The following RBFOX1 variants were observed in gnomAD, a reference collection of about 807,000 sequenced individuals.
RBFOX1 encodes the protein RNA binding protein fox-1 homolog 1.
In RBFOX1, 8 loss-of-function variants were observed where a neutral mutation model predicts 57.7. The ratio of observed to expected loss-of-function variants is 0.14; its 90% CI spans 0.08 to 0.25. RBFOX1 has a LOEUF of 0.25. Among genes scored for constraint, RBFOX1 ranks in the 10% least tolerant of loss-of-function variants. The probability of loss-of-function intolerance (pLI) is 1.00; values close to 1 mark genes in which losing one functional copy is unlikely to be tolerated. For missense variants in RBFOX1, 611 were observed against 548.5 expected (o/e 1.11, Z -1.14); for synonymous variants, 326 against 222.4 (o/e 1.47, Z -4.15).
rs202110792 is a variant in RBFOX1, at chr16:7,332,978, G to C, written c.28-185169G>C. ...CTCCATTGATGTGTTGAGCTTCAGA[G>C]GGAATAATAACTCTACGTAAAGCAT... is the stretch of plus-strand genomic sequence containing the variant. On this transcript the variant is annotated intron_variant, in intron 4 of 15. Transcript: ENST00000550418. The C allele has an allele frequency of 9.1e-5, 146 of 1,613,248 alleles. No individual in the cohort carries two copies. The East Asian group carries it at 2.1e-3, about 23-fold the overall frequency.
At chr16:7,189,690 C>G (rs946156124) in intron 4 of RBFOX1, among the ~76,000 whole-genome samples, 2 of 152,128 alleles carry the variant, frequency 1.3e-5, no homozygotes, top group Non-Finnish European at 2.9e-5. Context: ...GAAAAAGGTA[C>G]CATAGGTTAT....
chr16:5,721,489 C>T (rs907622465), intron 3 of RBFOX1, among the ~76,000 whole-genome samples: 1 of 152,104 alleles, frequency 6.6e-6, no homozygotes, highest in Admixed American at 6.6e-5. Flanking sequence ...CTGGCTTGAC[C>T]CTCCAGTGTA....
intron 3 of RBFOX1, among the ~76,000 whole-genome samples, chr16:6,932,873 C>T (rs1318221612): frequency 1.3e-5 from 2 of 152,206 alleles, no homozygotes; most frequent in African/African-American, 4.8e-5. Flanking sequence ...AACTGAAACT[C>T]TATATCCATT....
intron 3 of RBFOX1, among the ~76,000 whole-genome samples, chr16:6,925,744 G>A: frequency 6.6e-6 from 1 of 151,874 alleles, no homozygotes; most frequent in South Asian, 2.1e-4. Context: ...CCCAAACACA[G>A]ACAAGCAAAG....
In RBFOX1 at chr16:6,940,090, G is replaced by T. The variant is rs1324430534; in HGVS notation, c.-15-111967G>T. Among the ~76,000 whole-genome samples, 4 of 152,284 alleles carry T rather than the reference G, an allele frequency of 2.6e-5. No individual in the cohort carries two copies. In the South Asian group the frequency reaches 6.2e-4, roughly 24 times the overall value. On this transcript the variant is annotated intron_variant, in intron 3 of 15. Transcript: ENST00000550418. ...AATAGTAATCCCAGTTACTTGGGAG[G>T]CTGAGGCAGGAGAATCACTTGAACC...
chr16:5,371,551 C>A (rs2065857237), intron 1 of RBFOX1, among the ~76,000 whole-genome samples: 1 of 152,242 alleles, frequency 6.6e-6, no homozygotes, highest in African/African-American at 2.4e-5. Context: ...GCAGCCCTAG[C>A]AGACTGCTGT....
chr16:5,913,736 A>G (rs543030796), intron 4 of RBFOX1, among the ~76,000 whole-genome samples: 56 of 152,242 alleles, frequency 3.7e-4, no homozygotes, highest in Non-Finnish European at 7.2e-4. Context: ...TGATATTCCA[A>G]ACATTCCAGC....
At chr16:7,550,146 G>A (rs1021712906) in intron 5 of RBFOX1, among the ~76,000 whole-genome samples, 9 of 152,124 alleles carry the variant, frequency 5.9e-5, no homozygotes, top group Admixed American at 5.2e-4. Flanking sequence ...GCCCAGGCTG[G>A]TCTCAAACTT....
At chr16:5,915,395 A>G (rs1414456560) in intron 4 of RBFOX1, among the ~76,000 whole-genome samples, 1 of 152,184 alleles carries the variant, frequency 6.6e-6, no homozygotes, top group Non-Finnish European at 1.5e-5. Flanking sequence ...ATGCCACTCA[A>G]CACTTGTACC....
At chr16:6,776,707 A>G (rs921406949) in intron 3 of RBFOX1, among the ~76,000 whole-genome samples, 11 of 152,200 alleles carry the variant, frequency 7.2e-5, no homozygotes, top group African/African-American at 1.7e-4. Context: ...CATGCCTGCC[A>G]GGATGCACTG....
At chr16:7,212,156 A>G (rs549893439) in intron 4 of RBFOX1, among the ~76,000 whole-genome samples, 271 of 152,322 alleles carry the variant, frequency 1.8e-3, no homozygotes, top group African/African-American at 6.4e-3. Flanking sequence ...TGAGTGGCAG[A>G]TCCGGGAGGA....
At chr16:6,948,904 C>G (rs2080126752) in intron 3 of RBFOX1, among the ~76,000 whole-genome samples, 1 of 152,110 alleles carries the variant, frequency 6.6e-6, no homozygotes, top group Admixed American at 6.6e-5. Context: ...CTCTGACTGT[C>G]AATGAGGAAG....
At chr16:7,183,791 G>T (rs1440021987) in intron 4 of RBFOX1, among the ~76,000 whole-genome samples, 1 of 152,174 alleles carries the variant, frequency 6.6e-6, no homozygotes, top group Non-Finnish European at 1.5e-5. Flanking sequence ...TTTCAGTGTG[G>T]TTCAGCAAGG....
At chr16:6,792,328 C>A (rs147430532) in intron 3 of RBFOX1, among the ~76,000 whole-genome samples, 1 of 152,206 alleles carries the variant, frequency 6.6e-6, no homozygotes, top group East Asian at 1.9e-4. Context: ...TCCCTAAGGA[C>A]GCTTTCAAGT....
At chr16:6,937,429 G>C (rs537740684) in intron 3 of RBFOX1, among the ~76,000 whole-genome samples, 1 of 152,036 alleles carries the variant, frequency 6.6e-6, no homozygotes, top group Admixed American at 6.6e-5. Flanking sequence ...CTATGTGTTG[G>C]CCATTCAGAT....
intron 1 of RBFOX1, among the ~76,000 whole-genome samples, chr16:6,166,924 C>T (rs2096922093): frequency 6.6e-6 from 1 of 151,374 alleles, no homozygotes; most frequent in African/African-American, 2.4e-5. Context: ...CAGGCCTGTA[C>T]CACCACACCT....
At chr16:5,992,606 G>A (rs1449088003) in intron 4 of RBFOX1, among the ~76,000 whole-genome samples, 3 of 152,254 alleles carry the variant, frequency 2.0e-5, no homozygotes, top group South Asian at 2.1e-4. Flanking sequence ...CTAGGAATCC[G>A]ATGAGAAACT....
intron 3 of RBFOX1, among the ~76,000 whole-genome samples, chr16:5,650,635 A>G (rs926111515): frequency 1.3e-5 from 2 of 152,120 alleles, no homozygotes; most frequent in African/African-American, 4.8e-5. Context: ...TTAGATAAAC[A>G]CCAGAGGGGA....
At chr16:5,585,912 C>T (rs1202130022) in intron 2 of RBFOX1, among the ~76,000 whole-genome samples, 4 of 152,164 alleles carry the variant, frequency 2.6e-5, no homozygotes, top group South Asian at 2.1e-4. Context: ...TGCTCAAGTT[C>T]TGGACCCTGG....
Sources: gnomAD v4.1 joint callset for allele counts (sites outside exome capture counted in the v4.1 genomes callset) on GRCh38, gnomAD v4.1.1 for gene constraint, MANE v1.5 for transcripts, NCBI Gene and HGNC (gene_info 2026-07-23, HGNC 2026-07-21) for gene names.